The following DIP2C variants were observed in gnomAD, a reference collection of about 807,000 sequenced individuals.
The protein encoded by DIP2C is disco-interacting protein 2 homolog C.
DIP2C carries 33 observed loss-of-function variants against 192.4 expected under a neutral mutation model. That is an observed-to-expected ratio of 0.17 (90% CI 0.13 to 0.23). The LOEUF (loss-of-function observed/expected upper bound fraction) is 0.23, where lower values mean the gene tolerates loss of function less well. DIP2C is among the 10% of genes least tolerant of loss of function. The probability of loss-of-function intolerance (pLI) is 1.00; values close to 1 mark genes in which losing one functional copy is unlikely to be tolerated. For missense variants in DIP2C, 1,537 were observed against 2,110.1 expected (o/e 0.73, Z 5.32); for synonymous variants, 979 against 864.1 (o/e 1.13, Z -2.33).
In DIP2C at chr10:417,785, C is replaced by T. The variant is rs867942475; in HGVS notation, c.739+1280G>A. 8.8e-3 allele frequency among the ~76,000 whole-genome samples: 645 copies of T among 73,628 alleles called. 96 individuals are homozygous for T. The highest frequency in any genetic ancestry group is 0.011 in the Non-Finnish European group (381 of 35,608). The allele number at this position is 73,628 out of a possible 152,430, so 48.3% of individuals were successfully genotyped here. ...CTGTCCACCTGCACCTGTCAGGGCT[C>T]GGATAGGCCTCCCTGTCCACCTGTT... On this transcript the variant is annotated intron_variant, in intron 6 of 36. Transcript: ENST00000280886.
intron 1 of DIP2C, among the ~76,000 whole-genome samples, chr10:515,862 C>G (rs1265984516): frequency 2.6e-5 from 4 of 152,164 alleles, no homozygotes; most frequent in African/African-American, 9.7e-5. Flanking sequence ...TCTCTAAACA[C>G]TATGGTAAAC....
At chr10:579,975 T>C (rs1267169096) in intron 1 of DIP2C, among the ~76,000 whole-genome samples, 1 of 151,644 alleles carries the variant, frequency 6.6e-6, no homozygotes, top group East Asian at 1.9e-4. Flanking sequence ...CCATAGCCAA[T>C]GTACATATAC....
At chr10:336,904 G>GTGTA (rs1438624412) in intron 29 of DIP2C, among the ~76,000 whole-genome samples, 1 of 107,470 alleles carries the variant, frequency 9.3e-6, no homozygotes, top group Non-Finnish European at 2.3e-5. Context: ...AGGTGTGTGT[G>GTGTA]TGTGTGTGTG....
intron 31 of DIP2C, among the ~76,000 whole-genome samples, chr10:313,633 C>T (rs151053119): frequency 8.3e-4 from 126 of 152,314 alleles, no homozygotes; most frequent in African/African-American, 2.8e-3. Flanking sequence ...GCAAATGCTG[C>T]GCCATTTTCC....
At chr10:506,955 T>C (rs902533946) in intron 1 of DIP2C, among the ~76,000 whole-genome samples, 1 of 150,560 alleles carries the variant, frequency 6.6e-6, no homozygotes, top group African/African-American at 2.5e-5. Flanking sequence ...ATGGACCCGG[T>C]CAACCACTGT....
intron 1 of DIP2C, among the ~76,000 whole-genome samples, chr10:512,929 A>T (rs1261295406): frequency 6.6e-6 from 1 of 151,198 alleles, no homozygotes; most frequent in African/African-American, 2.4e-5. Context: ...CAGGAAAAAA[A>T]AAAAAAAAAA....
At chr10:323,587 G>A (rs1461773927) in intron 31 of DIP2C, among the ~76,000 whole-genome samples, 1 of 152,222 alleles carries the variant, frequency 6.6e-6, no homozygotes, top group Non-Finnish European at 1.5e-5. Flanking sequence ...ACAAGGTTTG[G>A]AATTCTGGCA....
At chr10:336,707 T>C (rs1185529704) in intron 29 of DIP2C, among the ~76,000 whole-genome samples, 2 of 152,104 alleles carry the variant, frequency 1.3e-5, no homozygotes, top group African/African-American at 2.4e-5. Flanking sequence ...CAGGAGAAGG[T>C]ATTGTTATCC....
At chr10:378,620 GACACACGAACACAGACATGCATAAAGAC>G (rs1194557589) in intron 17 of DIP2C, among the ~76,000 whole-genome samples, 1 of 149,002 alleles carries the variant, frequency 6.7e-6, no homozygotes, top group African/African-American at 2.5e-5. Flanking sequence ...CATGCATAAA[GACACACGAACACAGACATGCATAAAGAC>G]ACACATGAAC....
chr10:603,110 C>A (rs1227301760), intron 1 of DIP2C, among the ~76,000 whole-genome samples: 1 of 151,950 alleles, frequency 6.6e-6, no homozygotes, highest in Non-Finnish European at 1.5e-5. Context: ...TATGTAAGTT[C>A]TGGCATGTCA....
At chr10:411,512 G>A (rs192336991) in intron 8 of DIP2C, among the ~76,000 whole-genome samples, 41 of 152,296 alleles carry the variant, frequency 2.7e-4, no homozygotes, top group Admixed American at 2.2e-3. Context: ...CCAGCGCTTC[G>A]TAGGAAGCTA....
intron 1 of DIP2C, among the ~76,000 whole-genome samples, chr10:501,502 T>C (rs1845225093): frequency 6.6e-6 from 1 of 152,108 alleles, no homozygotes; most frequent in African/African-American, 2.4e-5. Flanking sequence ...TGAAAACACA[T>C]GCGTTGATAC....
intron 1 of DIP2C, among the ~76,000 whole-genome samples, chr10:566,390 T>C (rs942626386): frequency 6.6e-6 from 1 of 152,210 alleles, no homozygotes; most frequent in African/African-American, 2.4e-5. Context: ...ACCTGGTGCA[T>C]GAGCCGCTGA....
chr10:463,368 G>T (rs1001747917), intron 3 of DIP2C, among the ~76,000 whole-genome samples: 1 of 151,876 alleles, frequency 6.6e-6, no homozygotes, highest in Non-Finnish European at 1.5e-5. Flanking sequence ...GACCAACAGG[G>T]GGCCAAATCA....
intron 1 of DIP2C, among the ~76,000 whole-genome samples, chr10:614,028 G>T (rs1055992352): frequency 6.6e-6 from 1 of 152,098 alleles, no homozygotes; most frequent in Non-Finnish European, 1.5e-5. Flanking sequence ...TGCATTCAAC[G>T]TCCTCCATGG....
At chr10:556,535 A>G (rs1403335250) in intron 1 of DIP2C, among the ~76,000 whole-genome samples, 1 of 150,940 alleles carries the variant, frequency 6.6e-6, no homozygotes, top group Admixed American at 6.6e-5. Flanking sequence ...CAAACTCAAC[A>G]GCCTTAGACT....
chr10:555,261 T>G (rs939203541), intron 1 of DIP2C, among the ~76,000 whole-genome samples: 1 of 152,090 alleles, frequency 6.6e-6, no homozygotes, highest in Admixed American at 6.6e-5. Context: ...CGGGCTCTTC[T>G]GGGCTCTTTG....
intron 1 of DIP2C, among the ~76,000 whole-genome samples, chr10:502,716 A>T (rs1564795485): frequency 1.3e-5 from 2 of 152,216 alleles, no homozygotes; most frequent in Non-Finnish European, 2.9e-5. Flanking sequence ...TGTTAAAAAC[A>T]ACACTATTTA....
At chr10:687,183 A>G (rs1287769073) in intron 1 of DIP2C, among the ~76,000 whole-genome samples, 1 of 152,204 alleles carries the variant, frequency 6.6e-6, no homozygotes, top group Non-Finnish European at 1.5e-5. Flanking sequence ...AAGTCCAATA[A>G]CATAAAGAAA....
Sources: allele counts gnomAD v4.1 joint callset (sites outside exome capture counted in the v4.1 genomes callset), GRCh38; gene constraint gnomAD v4.1.1; transcripts MANE v1.5; gene names NCBI Gene and HGNC (gene_info 2026-07-23, HGNC 2026-07-21).